ENPEP: variants seen among roughly 807,000 people sequenced by gnomAD.
ENPEP encodes the protein glutamyl aminopeptidase, also known as AP-A.
ENPEP carries 103 observed loss-of-function variants against 114.5 expected under a neutral mutation model. That is an observed-to-expected ratio of 0.90 (90% CI 0.77 to 1.06). The LOEUF (loss-of-function observed/expected upper bound fraction) is 1.06. Among genes scored for constraint, ENPEP ranks in the 50% least tolerant of loss-of-function variants. ENPEP has a pLI of 0.00. For missense variants in ENPEP, 1,196 were observed against 1,161.3 expected, an observed-to-expected ratio of 1.03 and a Z score of -0.43; for synonymous variants, 420 against 422.0, an observed-to-expected ratio of 1.00 and a Z score of 0.06.
At chr4:110,477,512 A>G (rs1344991818) in intron 1 of ENPEP, among the ~76,000 whole-genome samples, 1 of 148,826 alleles carries the variant, frequency 6.7e-6, no homozygotes, top group Non-Finnish European at 1.5e-5. Context: ...TATTTTGTCC[A>G]TTTTTTTTTT....
At chr4:110,551,066 C>T (rs1303874410) in intron 17 of ENPEP, among the ~76,000 whole-genome samples, 2 of 137,514 alleles carry the variant, frequency 1.5e-5, no homozygotes, top group Non-Finnish European at 3.1e-5. Context: ...CCAACCTGGG[C>T]AACATAGTGA....
chr4:110,546,923 A>G (rs1404258578), intron 13 of ENPEP, among the ~76,000 whole-genome samples: 2 of 152,048 alleles, frequency 1.3e-5, no homozygotes, highest in East Asian at 1.9e-4. Flanking sequence ...AAAACTAGCC[A>G]AAGAACCCAA....
rs752175272 is a variant in ENPEP, at chr4:110,476,531, G to C, written c.117G>C (p.Leu39Phe). 2.5e-6 allele frequency: 4 copies of C among 1,609,294 alleles called. No individual in the cohort carries two copies. The stretch of plus-strand genomic sequence containing the variant: ...TAATAGTGGGACTTGCCGTGGGCTT[G>C]ACCAGATCGTGTGACTCCAGCGGGG... ...VGLIVGLAVGLTRSCDSSGDG... is the reference protein window; with the variant it reads ...VGLIVGLAVGFTRSCDSSGDG... The change falls in exon 1 of 20, where the codon TTG becomes TTC. Residue 39 changes from leucine to phenylalanine, a missense_variant. Transcript: ENST00000265162.
rs756305005 is a variant in ENPEP, at chr4:110,488,558, A to G, written c.662A>G (p.Asp221Gly). 2.5e-6 allele frequency: 4 copies of G among 1,612,718 alleles called. No individual in the cohort carries two copies. The highest frequency in any genetic ancestry group is 3.4e-6 in the Non-Finnish European group (4 of 1,179,546). Residue 221 changes from aspartate (D) to glycine (G), a missense_variant, in exon 2 of 20, where the codon GAT (aspartate) becomes GGT (glycine). Transcript: ENST00000265162. ...TTTCTAAGGAGCATAGTGGCCACCG[A>G]TCATGAACCAACAGATGCCAGGAAA... is the stretch of plus-strand genomic sequence containing the variant. ...NGQVKSIVAT[D>G]HEPTDARKSF...
chr4:110,528,291 G>A (rs192120419), intron 10 of ENPEP, among the ~76,000 whole-genome samples: 46 of 152,242 alleles, frequency 3.0e-4, no homozygotes, highest in Non-Finnish European at 4.7e-4. Context: ...TTAAAAATCC[G>A]TAGTAGCTCC....
chr4:110,520,563 G>A (rs992551549), intron 10 of ENPEP, among the ~76,000 whole-genome samples, 197 bp downstream of exon 10: 3 of 152,062 alleles, frequency 2.0e-5, no homozygotes, highest in East Asian at 1.9e-4. Flanking sequence ...ACATCCATCC[G>A]CATCCTGTTC....
intron 14 of ENPEP, among the ~76,000 whole-genome samples, chr4:110,548,861 A>G (rs1302824794): frequency 6.6e-6 from 1 of 152,124 alleles, no homozygotes; most frequent in Admixed American, 6.6e-5. Context: ...TTACAAAATG[A>G]AAGATCTTGA....
intron 13 of ENPEP, 111 bp from the exon 14 acceptor site, chr4:110,548,065 A>G: frequency 8.5e-7 from 1 of 1,182,780 alleles, no homozygotes; most frequent in Non-Finnish European, 1.1e-6. Context: ...AATCCTCATT[A>G]ACATGGAATG....
chr4:110,476,893 G>C lies in ENPEP; in HGVS notation c.479G>C (p.Cys160Ser). Residue 160 changes from cysteine (C) to serine (S), a missense_variant, in exon 1 of 20, where the codon TGT (cysteine) becomes TCT (serine). Cys to Ser is a moderately radical substitution (Grantham distance 112, BLOSUM62 -1). Coordinates refer to ENST00000265162, the MANE Select transcript of ENPEP (RefSeq NM_001977.4). Reference sequence around the variant, plus strand: ...GGGGACCAGGTGCAAGTCCGGAGGTGTTTCGAGTACAAAAAGCAGGAGTAC... The same window carrying C: ...GGGGACCAGGTGCAAGTCCGGAGGTCTTTCGAGTACAAAAAGCAGGAGTAC... ...PSGDQVQVRR[C>S]FEYKKQEYVV... The C allele has an allele frequency of 6.2e-7, 1 of 1,614,160 alleles. No homozygotes were observed. The highest frequency in any genetic ancestry group is 8.5e-7 in the Non-Finnish European group (1 of 1,180,018).
At chr4:110,545,504 T>A (rs1727022111) in intron 13 of ENPEP, among the ~76,000 whole-genome samples, 1 of 152,014 alleles carries the variant, frequency 6.6e-6, no homozygotes, top group African/African-American at 2.4e-5. Flanking sequence ...AATGGGGTGA[T>A]TGATTTCCTC....
At chr4:110,547,919 T>G (rs1378545309) in intron 13 of ENPEP, among the ~76,000 whole-genome samples, 1 of 152,010 alleles carries the variant, frequency 6.6e-6, no homozygotes, top group Non-Finnish European at 1.5e-5. Context: ...GCTGTTGTGC[T>G]TTTTCAAATG....
chr4:110,505,184 T>C (rs558497328), intron 3 of ENPEP, among the ~76,000 whole-genome samples: 1 of 152,322 alleles, frequency 6.6e-6, no homozygotes, highest in African/African-American at 2.4e-5. Context: ...AACTGGAGCC[T>C]TAGTTTCACT....
chr4:110,539,928 A>C (rs1286036443), intron 11 of ENPEP, among the ~76,000 whole-genome samples: 1 of 152,106 alleles, frequency 6.6e-6, no homozygotes, highest in African/African-American at 2.4e-5. Flanking sequence ...GTGCTCTGTT[A>C]CTGAAATCTA....
In ENPEP at chr4:110,542,801, A is replaced by T; in HGVS notation, c.1858A>T (p.Asn620Tyr). The T allele has an allele frequency of 6.2e-7, 1 of 1,613,218 alleles. No homozygotes were observed. Among genetic ancestry groups the T allele is most frequent in the Non-Finnish European group, 8.5e-7 (1 of 1,179,392 alleles). Residue 620 changes from asparagine to tyrosine, a missense_variant, in exon 12 of 20, where the codon AAC becomes TAC. Transcript: ENST00000265162. ...TAGTGGAAATGCTTTTCTCAAAATA[A>T]ACCCAGATCATATTGGGTTTTATCG... Reference protein sequence around the residue: ...NPSGNAFLKINPDHIGFYRVN... With the variant: ...NPSGNAFLKIYPDHIGFYRVN...
intron 11 of ENPEP, among the ~76,000 whole-genome samples, chr4:110,539,010 T>C (rs1168345474): frequency 3.3e-5 from 5 of 152,048 alleles, no homozygotes; most frequent in Non-Finnish European, 7.4e-5. Flanking sequence ...CCCAAAACAA[T>C]TGCAATAGTA....
intron 3 of ENPEP, among the ~76,000 whole-genome samples, chr4:110,492,043 C>T (rs1204194148): frequency 2.0e-5 from 3 of 151,972 alleles, no homozygotes; most frequent in Non-Finnish European, 4.4e-5. Flanking sequence ...TTTGAAGAAC[C>T]ACATACTTTT....
At chr4:110,535,398 G>C (rs1726574643) in intron 11 of ENPEP, among the ~76,000 whole-genome samples, 1 of 151,884 alleles carries the variant, frequency 6.6e-6, no homozygotes, top group African/African-American at 2.4e-5. Flanking sequence ...ATGTATTTTT[G>C]TATTTGATGA....
At chr4:110,552,449 G>A (rs1727326152) in intron 17 of ENPEP, among the ~76,000 whole-genome samples, 2 of 152,022 alleles carry the variant, frequency 1.3e-5, no homozygotes, top group Admixed American at 1.3e-4. Context: ...ACTCTCAAAG[G>A]CTCACAACTC....
At position 110,513,475 on chromosome 4, in the gene ENPEP, T is replaced by G; in HGVS notation, c.1369T>G (p.Ser457Ala). 6.2e-7 allele frequency: 1 copy of G among 1,613,592 alleles called. No individual in the cohort carries two copies. The highest frequency in any genetic ancestry group is 8.5e-7 in the Non-Finnish European group (1 of 1,179,630). The change falls in exon 7 of 20, where the codon TCG becomes GCG. Residue 457 changes from serine to alanine, a missense_variant. By Grantham distance (99) the Ser-to-Ala change is moderately conservative. Transcript: ENST00000265162. ...PVQEDDSLMSSHPIIVTVTTP... is the reference protein window; with the variant it reads ...PVQEDDSLMSAHPIIVTVTTP... Reference sequence around the variant, plus strand: ...TCAAGAGGATGATTCTTTGATGTCTTCGCATCCAATTATTGTGACTGTGAC... The same window carrying G: ...TCAAGAGGATGATTCTTTGATGTCTGCGCATCCAATTATTGTGACTGTGAC...
Sources: gnomAD v4.1 joint callset for allele counts (sites outside exome capture counted in the v4.1 genomes callset) on GRCh38, gnomAD v4.1.1 for gene constraint, MANE v1.5 for transcripts, NCBI Gene and HGNC (gene_info 2026-07-23, HGNC 2026-07-21) for gene names.